MLXIP: variants seen among roughly 807,000 people sequenced by gnomAD.
The protein encoded by MLXIP is MLX-interacting protein.
MLXIP carries 30 observed loss-of-function variants against 87.2 expected under a neutral mutation model. That is an observed-to-expected ratio of 0.34 (90% CI 0.26 to 0.47). MLXIP has a LOEUF of 0.47. Among genes scored for constraint, MLXIP ranks in the 20% least tolerant of loss-of-function variants. The pLI is 1.00. For synonymous variants in MLXIP, 530 were observed against 514.0 expected, an observed-to-expected ratio of 1.03 and a Z score of -0.42; for missense variants, 1,002 against 1,240.1, an observed-to-expected ratio of 0.81 and a Z score of 2.88.
intron 1 of MLXIP, among the ~76,000 whole-genome samples, chr12:122,105,101 G>T (rs1054234916): frequency 2.0e-5 from 3 of 152,196 alleles, no homozygotes. Flanking sequence ...GGTGCCTCAT[G>T]GGCGATCACA....
At chr12:122,105,058 G>C (rs1375986751) in intron 1 of MLXIP, among the ~76,000 whole-genome samples, 1 of 152,156 alleles carries the variant, frequency 6.6e-6, no homozygotes, top group East Asian at 1.9e-4. Flanking sequence ...GTCCTGAAAG[G>C]CTTTGTTAGA....
chr12:122,123,967 T>C (rs1408898599), intron 1 of MLXIP, among the ~76,000 whole-genome samples: 2 of 152,192 alleles, frequency 1.3e-5, no homozygotes, highest in Non-Finnish European at 2.9e-5. Context: ...TCGAGCTGGC[T>C]TTCCCTATCC....
chr12:122,133,252 C>G lies in MLXIP; in HGVS notation c.1093-96C>G. The G allele has an allele frequency of 7.1e-7, 1 of 1,417,980 alleles. No individual in the cohort carries two copies. Among genetic ancestry groups the G allele is most frequent in the South Asian group, 1.4e-5 (1 of 71,152 alleles). The allele number at this position is 1,417,980 out of a possible 1,614,324, so 87.8% of individuals were successfully genotyped here. On this transcript the variant is annotated intron_variant, in intron 8 of 16. Coordinates refer to ENST00000319080, the MANE Select transcript of MLXIP (RefSeq NM_014938.6). The surrounding 1 kb of genome is among the most constrained non-coding windows in gnomAD (Gnocchi z 4.9). ...CGTGGCCTTTGTCCCTCTGTCCCAG[C>G]GCCCGGCCTGTGTAGTTGGACTTGG... is the stretch of plus-strand genomic sequence containing the variant.
Position 122,133,885 on chromosome 12 carries a change from G to A in MLXIP, c.1630G>A (p.Val544Ile). The A allele has an allele frequency of 6.2e-7, 1 of 1,611,580 alleles. No homozygotes were observed. The highest frequency in any genetic ancestry group is 8.5e-7 in the Non-Finnish European group (1 of 1,179,034). The change falls in exon 9 of 17, where the codon GTA (valine) becomes ATA (isoleucine). Residue 544 changes from valine (V) to isoleucine (I), a missense_variant. Around this residue, in one of 3 missense-constraint regions of MLXIP, gnomAD observed 746 missense variants for 897.0 expected, o/e 0.83. Coordinates refer to ENST00000319080, the MANE Select transcript of MLXIP (RefSeq NM_014938.6). This position sits in a 1 kb window ranked among gnomAD's most constrained non-coding sequence, Gnocchi z 4.9. ...GTTAACTTTTGTGCACCCCAAACCT[G>A]TATCCTTGACTGGGGGCAGGCCTAA... ...PRLTFVHPKP[V>I]SLTGGRPKQP...
At chr12:122,140,373 T>C (rs1953176110) in intron 15 of MLXIP, among the ~76,000 whole-genome samples, 1 of 152,160 alleles carries the variant, frequency 6.6e-6, no homozygotes, top group Admixed American at 6.5e-5. Flanking sequence ...CTCGGCTCAC[T>C]GCAGCCTCCG....
chr12:122,102,208 A>G (rs1234251578), intron 1 of MLXIP, among the ~76,000 whole-genome samples: 2 of 152,220 alleles, frequency 1.3e-5, no homozygotes, highest in African/African-American at 2.4e-5. Flanking sequence ...TAAAAGATGT[A>G]TATTTAGAAT....
chr12:122,081,443 A>T lies in MLXIP; in HGVS notation c.413+2177A>T, dbSNP rs556341198. 2.0e-5 allele frequency among the ~76,000 whole-genome samples: 3 copies of T among 152,352 alleles called. No individual in the cohort carries two copies. In the East Asian group the frequency reaches 5.8e-4, roughly 29 times the overall value. On this transcript the variant is annotated intron_variant, in intron 1 of 16. Coordinates refer to ENST00000319080, the MANE Select transcript of MLXIP (RefSeq NM_014938.6). ...AGTTGTCTGGGCTGTAGTCTGTGGCACAGAAAGAAACTAGAGGAAGGTGAG... is the reference window on the plus strand; with the variant it reads ...AGTTGTCTGGGCTGTAGTCTGTGGCTCAGAAAGAAACTAGAGGAAGGTGAG...
intron 1 of MLXIP, among the ~76,000 whole-genome samples, chr12:122,092,769 G>A (rs1212018875): frequency 6.6e-6 from 1 of 152,194 alleles, no homozygotes; most frequent in Non-Finnish European, 1.5e-5. Flanking sequence ...ATAAACGGTT[G>A]ATTTGGCTGG....
rs60691591 is a variant in MLXIP, at chr12:122,131,912, C to CT, written c.1001-351dup. Among the ~76,000 whole-genome samples, 540 of 73,992 alleles carry CT rather than the reference C, an allele frequency of 7.3e-3. 39 individuals carry two copies. The highest frequency in any genetic ancestry group is 8.6e-3 in the Non-Finnish European group (352 of 41,088). The allele number at this position is 73,992 out of a possible 152,430, so 48.5% of individuals were successfully genotyped here. ...CAGGCATGGTGGTTGTGGTTGGCAC[C>CT]TTTTTTTTTTTTTTTTTTTTTTTTT... On this transcript the variant is annotated intron_variant, in intron 7 of 16. Transcript: ENST00000319080.
rs1173711241 is a variant in MLXIP at position 122,113,681 on chromosome 12, C to CTTTTTTTTTTTT, written c.414-13565_414-13554dup. 2.1e-3 allele frequency among the ~76,000 whole-genome samples: 209 copies of CTTTTTTTTTTTT among 100,686 alleles called. 11 individuals are homozygous for CTTTTTTTTTTTT. The highest frequency in any genetic ancestry group is 2.3e-3 in the Non-Finnish European group (123 of 54,364). 66.1% of individuals were successfully genotyped at this position (100,686 alleles called of 152,430 possible). A position where few individuals can be genotyped will look rare whatever the true frequency, so the allele number is the denominator to read the frequency against. On this transcript the variant is annotated intron_variant, in intron 1 of 16. Transcript: ENST00000319080. ...ACAGTCCATATAACTGCCTTCATTT[C>CTTTTTTTTTTTT]TTTTTTTTTTTTTTTTTTTTTGAGA... is the stretch of plus-strand genomic sequence containing the variant.
chr12:122,085,215 T>G (rs1038099050), intron 1 of MLXIP, among the ~76,000 whole-genome samples: 2 of 152,078 alleles, frequency 1.3e-5, no homozygotes, highest in African/African-American at 4.8e-5. Context: ...CGCATCCCCC[T>G]GGAAGGCACC....
chr12:122,096,587 G>C (rs1470540847), intron 1 of MLXIP, among the ~76,000 whole-genome samples: 2 of 152,216 alleles, frequency 1.3e-5, no homozygotes, highest in Admixed American at 1.3e-4. Context: ...TGGTCAGCAG[G>C]CGCGGAGCTG....
At chr12:122,096,925 G>A (rs138652709) in intron 1 of MLXIP, among the ~76,000 whole-genome samples, 2,795 of 152,316 alleles carry the variant, frequency 0.018, 77 homozygotes, top group African/African-American at 0.064. Context: ...ACATGTCCCT[G>A]CAAGTTACAA....
intron 1 of MLXIP, among the ~76,000 whole-genome samples, chr12:122,082,036 ATTTTTT>A (rs1952099026): frequency 1.3e-5 from 2 of 152,056 alleles, no homozygotes; most frequent in African/African-American, 4.8e-5. Context: ...AGTTGTGGTT[ATTTTTT>A]ACCGAGTCCT....
intron 1 of MLXIP, among the ~76,000 whole-genome samples, chr12:122,101,443 A>G (rs546968812): frequency 1.1e-3 from 154 of 146,340 alleles, no homozygotes; most frequent in African/African-American, 2.2e-3. Context: ...AAAGTCTAAT[A>G]TATGTCTTTT....
rs1177017961 is a variant in MLXIP, at chr12:122,142,309, C to CCTCAA, written c.*501_*505dup. 3.0e-6 allele frequency: 2 copies of CCTCAA among 660,280 alleles called. No individual in the cohort carries two copies. The highest frequency in any genetic ancestry group is 3.5e-5 in the African/African-American group (2 of 56,440). 40.9% of individuals were successfully genotyped at this position (660,280 alleles called of 1,614,324 possible). On this transcript the variant is annotated 3_prime_UTR_variant, in exon 17 of 17. Coordinates refer to ENST00000319080, the MANE Select transcript of MLXIP (RefSeq NM_014938.6). ...AGTTGGAAGGCGTCTTTCTTTCTCC[C>CCTCAA]CTCAACTCTGACAGCACCCAGCCCT...
chr12:122,110,766 G>A (rs542098434), intron 1 of MLXIP, among the ~76,000 whole-genome samples: 8 of 150,886 alleles, frequency 5.3e-5, no homozygotes, highest in African/African-American at 1.5e-4. Flanking sequence ...GCTAGATCCT[G>A]CTCTTCAAAA....
chr12:122,082,975 T>A (rs1952113181), intron 1 of MLXIP, among the ~76,000 whole-genome samples: 1 of 152,158 alleles, frequency 6.6e-6, no homozygotes, highest in African/African-American at 2.4e-5. Context: ...CACGCACTAC[T>A]ATGCCTGGCT....
At chr12:122,138,605 C>G (rs1016043874) in intron 14 of MLXIP, 54 bp downstream of exon 14, 3 of 1,569,576 alleles carry the variant, frequency 1.9e-6, no homozygotes, top group African/African-American at 2.7e-5. Context: ...GATGCAGGGC[C>G]TGCCTCAGAG....
Sources: allele counts gnomAD v4.1 joint callset (sites outside exome capture counted in the v4.1 genomes callset), GRCh38; gene constraint gnomAD v4.1.1; regional missense constraint gnomAD v4.1.1; non-coding constraint Gnocchi (gnomAD v3.1); transcripts MANE v1.5; gene names NCBI Gene and HGNC (gene_info 2026-07-23, HGNC 2026-07-21).